Variants in FAR2 observed in about 807,000 individuals in gnomAD.
FAR2 encodes the protein fatty acyl-CoA reductase 2.
A neutral mutation model predicts 56.0 loss-of-function variants in FAR2; 19 were observed. That is an observed-to-expected ratio of 0.34 (90% confidence interval 0.24 to 0.50). The LOEUF is 0.50. Ranked by LOEUF, FAR2 falls within the 20% of genes least tolerant of loss-of-function variation. The probability of loss-of-function intolerance (pLI) is 0.98; values close to 1 mark genes in which losing one functional copy is unlikely to be tolerated. For synonymous variants in FAR2, 219 were observed against 218.8 expected (o/e 1.00, Z -0.01); for missense variants, 508 against 642.2 (o/e 0.79, Z 2.26).
At chr12:29,168,830 G>C (rs1442034666) in intron 1 of FAR2, among the ~76,000 whole-genome samples, 1 of 152,228 alleles carries the variant, frequency 6.6e-6, no homozygotes, top group Non-Finnish European at 1.5e-5. Flanking sequence ...GGGGACCCAA[G>C]TGGGTTGCTG....
At chr12:29,296,951 T>C (rs1949081814) in intron 3 of FAR2, 70 bp from the exon 4 acceptor site, 1 of 1,386,218 alleles carries the variant, frequency 7.2e-7, no homozygotes, top group Non-Finnish European at 9.7e-7. Context: ...GTTATTGGAG[T>C]AGGTGCAGTT....
chr12:29,249,156 A>G (rs540056020), intron 1 of FAR2, among the ~76,000 whole-genome samples: 46 of 152,340 alleles, frequency 3.0e-4, no homozygotes, highest in Non-Finnish European at 5.3e-4. Flanking sequence ...ATAAGTGTCC[A>G]TGAAATCTTT....
At chr12:29,309,355 T>C in intron 6 of FAR2, 125 bp downstream of exon 6, 2 of 715,164 alleles carry the variant, frequency 2.8e-6, no homozygotes, top group Non-Finnish European at 4.8e-6. Context: ...AACTGAGGCA[T>C]ATTATTTTAA....
intron 5 of FAR2, 105 bp downstream of exon 5, chr12:29,307,940 T>C (rs2136783168): frequency 4.9e-6 from 6 of 1,236,486 alleles, no homozygotes; most frequent in Middle Eastern, 2.9e-4. Flanking sequence ...GATTTATAGC[T>C]AAGTGCAGCC....
intron 1 of FAR2, among the ~76,000 whole-genome samples, chr12:29,154,634 C>T (rs887811544): frequency 3.9e-5 from 6 of 152,046 alleles, no homozygotes; most frequent in African/African-American, 1.4e-4. Flanking sequence ...GGGGTTTCAC[C>T]GTGTTAGCCA....
At chr12:29,234,268 G>T (rs1055610987) in intron 1 of FAR2, among the ~76,000 whole-genome samples, 4 of 152,066 alleles carry the variant, frequency 2.6e-5, no homozygotes, top group African/African-American at 4.8e-5. Flanking sequence ...TTTGCATAAA[G>T]CTTCTCTCAT....
intron 8 of FAR2, among the ~76,000 whole-genome samples, chr12:29,313,078 T>G (rs1949380409): frequency 6.6e-6 from 1 of 152,152 alleles, no homozygotes; most frequent in African/African-American, 2.4e-5. Flanking sequence ...CTAATTAATC[T>G]GATGTTGCAT....
Position 29,333,693 on chromosome 12 carries a change from A to G in FAR2, c.1447A>G (p.Ile483Val), listed in dbSNP as rs1949762770. The G allele has an allele frequency of 6.2e-7, 1 of 1,613,822 alleles. No individual in the cohort carries two copies. Among genetic ancestry groups the G allele is most frequent in the Non-Finnish European group, 8.5e-7 (1 of 1,179,770 alleles). ...ALFLIAWRLLIARSQMARNVW... is the reference protein window; with the variant it reads ...ALFLIAWRLLVARSQMARNVW... ...CTTCCTTATCGCCTGGCGCCTTCTCATTGCAAGATCTCAGATGGCTCGGAA... is the reference window on the plus strand; with the variant it reads ...CTTCCTTATCGCCTGGCGCCTTCTCGTTGCAAGATCTCAGATGGCTCGGAA... Residue 483 changes from isoleucine to valine, a missense_variant, in exon 12 of 12, where the codon ATT (isoleucine) becomes GTT (valine). Transcript: ENST00000536681.
intron 1 of FAR2, among the ~76,000 whole-genome samples, chr12:29,172,298 G>A (rs776478523): frequency 3.9e-5 from 6 of 152,252 alleles, no homozygotes; most frequent in Non-Finnish European, 7.3e-5. Context: ...AACCTTCCAA[G>A]TGTTAAGTGA....
intron 1 of FAR2, among the ~76,000 whole-genome samples, chr12:29,265,713 C>T (rs897132488): frequency 1.3e-5 from 2 of 151,980 alleles, no homozygotes; most frequent in African/African-American, 4.8e-5. Context: ...AAACAAACAA[C>T]AAAGTAAAGA....
chr12:29,321,896 T>A lies in FAR2; in HGVS notation c.1229T>A (p.Met410Lys). The stretch of plus-strand genomic sequence containing the variant: ...AGCACGTACAATACAGAAATGCTGA[T>A]GTCTGAGCTGAGTCCTGAAGACCAG... ...EWSTYNTEMLMSELSPEDQRV... is the reference protein window; with the variant it reads ...EWSTYNTEMLKSELSPEDQRV... Residue 410 changes from methionine (M) to lysine (K), a missense_variant, in exon 10 of 12, where the codon ATG becomes AAG. Coordinates refer to ENST00000536681, the MANE Select transcript of FAR2 (RefSeq NM_001271783.2). 6.2e-7 allele frequency: 1 copy of A among 1,613,630 alleles called. No individual in the cohort carries two copies. Among genetic ancestry groups the A allele is most frequent in the Non-Finnish European group, 8.5e-7 (1 of 1,179,686 alleles).
At chr12:29,237,652 A>C (rs1185354668) in intron 1 of FAR2, among the ~76,000 whole-genome samples, 1 of 152,246 alleles carries the variant, frequency 6.6e-6, no homozygotes, top group Non-Finnish European at 1.5e-5. Flanking sequence ...TTTATCTGAC[A>C]GAATGACTGG....
intron 1 of FAR2, among the ~76,000 whole-genome samples, chr12:29,261,216 TACATTTA>T (rs1693283368): frequency 6.6e-6 from 1 of 152,122 alleles, no homozygotes; most frequent in African/African-American, 2.4e-5. Flanking sequence ...TACTATCAGA[TACATTTA>T]ACAAAGAGAT....
At chr12:29,211,114 T>A (rs1036260246) in intron 1 of FAR2, among the ~76,000 whole-genome samples, 1 of 151,938 alleles carries the variant, frequency 6.6e-6, no homozygotes, top group Admixed American at 6.6e-5. Flanking sequence ...TTCTGCTGAG[T>A]TGCATTCTTC....
intron 1 of FAR2, among the ~76,000 whole-genome samples, chr12:29,262,270 T>A (rs1287592340): frequency 6.6e-6 from 1 of 152,048 alleles, no homozygotes; most frequent in Non-Finnish European, 1.5e-5. Flanking sequence ...GGTTATAAGA[T>A]AGCATTTGCA....
chr12:29,278,596 T>G (rs1591921766), intron 2 of FAR2, among the ~76,000 whole-genome samples: 1 of 151,066 alleles, frequency 6.6e-6, no homozygotes, highest in Admixed American at 6.6e-5. Context: ...AATCTTCTGG[T>G]CTCAGCCTCC....
chr12:29,200,197 G>A (rs1348206843), intron 1 of FAR2, among the ~76,000 whole-genome samples: 3 of 152,062 alleles, frequency 2.0e-5, no homozygotes, highest in Non-Finnish European at 2.9e-5. Context: ...TATTGCTATC[G>A]GCCAGAAAGT....
At chr12:29,197,156 T>C (rs1950150673) in intron 1 of FAR2, among the ~76,000 whole-genome samples, 1 of 152,194 alleles carries the variant, frequency 6.6e-6, no homozygotes, top group South Asian at 2.1e-4. Context: ...ATACTAACTT[T>C]AGCCTGTTTG....
chr12:29,250,283 G>A (rs1006626890), intron 1 of FAR2, among the ~76,000 whole-genome samples: 52 of 152,270 alleles, frequency 3.4e-4, no homozygotes, highest in Admixed American at 7.2e-4. Flanking sequence ...ACCAGATTCT[G>A]TTCTGGTCAG....
Sources: allele counts gnomAD v4.1 joint callset (sites outside exome capture counted in the v4.1 genomes callset), GRCh38; gene constraint gnomAD v4.1.1; transcripts MANE v1.5; gene names NCBI Gene and HGNC (gene_info 2026-07-23, HGNC 2026-07-21).